The following PPA2 variants were observed in gnomAD, a reference collection of about 807,000 sequenced individuals.
The protein encoded by PPA2 is inorganic pyrophosphatase 2, mitochondrial.
PPA2 carries 48 observed loss-of-function variants against 49.5 expected under a neutral mutation model. The ratio of observed to expected loss-of-function variants is 0.97; its 90% CI spans 0.77 to 1.23. The LOEUF (loss-of-function observed/expected upper bound fraction) is 1.23. PPA2 is among the 50% of genes most tolerant of loss of function. The pLI, the probability that PPA2 is intolerant of heterozygous loss-of-function variation, is 0.00. For synonymous variants in PPA2, 131 were observed against 139.9 expected (o/e 0.94, Z 0.45); for missense variants, 429 against 410.1 (o/e 1.05, Z -0.40).
At position 105,396,354 on chromosome 4, in the gene PPA2, T is replaced by A. The variant is rs770235289; in HGVS notation, c.784-20A>T. The stretch of plus-strand genomic sequence containing the variant: ...AAAAGCCTAGCTCCAAACAAACAAA[T>A]AAAAAAAGACGTATTTAATATCAGT... On this transcript the variant is annotated intron_variant, in intron 8 of 11. Coordinates refer to ENST00000341695, the MANE Select transcript of PPA2 (RefSeq NM_176869.3). The A allele has an allele frequency of 1.5e-6, 2 of 1,297,252 alleles. No individual in the cohort carries two copies. The highest frequency in any genetic ancestry group is 2.2e-6 in the Non-Finnish European group (2 of 928,852). The allele number at this position is 1,297,252 out of a possible 1,614,324, so 80.4% of individuals were successfully genotyped here. A position where few individuals can be genotyped will look rare whatever the true frequency, so the allele number is the denominator to read the frequency against.
At chr4:105,434,796 A>C (rs946240857) in intron 6 of PPA2, among the ~76,000 whole-genome samples, 2 of 152,214 alleles carry the variant, frequency 1.3e-5, no homozygotes, top group African/African-American at 4.8e-5. Flanking sequence ...ACACTCTTTG[A>C]CTTCACATGC....
chr4:105,456,047 T>C lies in PPA2; in HGVS notation c.222+634A>G, dbSNP rs763012572. 6 of 332,918 alleles carry C rather than the reference T, an allele frequency of 1.8e-5. No individual in the cohort carries two copies. In the East Asian group the frequency reaches 4.3e-4, roughly 24 times the overall value. The allele number at this position is 332,918 out of a possible 1,614,324, so 20.6% of individuals were successfully genotyped here. A position where few individuals can be genotyped will look rare whatever the true frequency, so the allele number is the denominator to read the frequency against. On this transcript the variant is annotated intron_variant, in intron 2 of 11. Coordinates refer to ENST00000341695, the MANE Select transcript of PPA2 (RefSeq NM_176869.3). ...GAGAGATCTCGAAACACCCCAACAA[T>C]TTTGATTTGATAGCATCAGTTCTCC... is the stretch of plus-strand genomic sequence containing the variant.
At chr4:105,379,629 A>C (rs1372009471) in intron 10 of PPA2, among the ~76,000 whole-genome samples, 2 of 96,696 alleles carry the variant, frequency 2.1e-5, no homozygotes, top group Non-Finnish European at 4.2e-5. Context: ...ACGCCTGGCT[A>C]ATTTTTTTTT....
chr4:105,372,104 C>T, intron 10 of PPA2, among the ~76,000 whole-genome samples: 1 of 152,196 alleles, frequency 6.6e-6, no homozygotes, highest in East Asian at 1.9e-4. Context: ...CTGGTTTCTA[C>T]ACAGGCCCCA....
At chr4:105,403,433 A>G (rs1722315826) in intron 7 of PPA2, among the ~76,000 whole-genome samples, 2 of 152,186 alleles carry the variant, frequency 1.3e-5, no homozygotes, top group South Asian at 2.1e-4. Context: ...TTCAAATTTG[A>G]AAGTTTAATT....
At chr4:105,397,605 G>A (rs559171723) in intron 8 of PPA2, among the ~76,000 whole-genome samples, 2 of 152,118 alleles carry the variant, frequency 1.3e-5, no homozygotes, top group African/African-American at 2.4e-5. Context: ...AATTTGATCC[G>A]CAGTGTTGGA....
intron 5 of PPA2, among the ~76,000 whole-genome samples, chr4:105,442,972 A>G (rs923587): frequency 0.39 from 58,619 of 152,088 alleles, 12,895 homozygotes; most frequent in East Asian, 0.67. Context: ...CACCTACTCC[A>G]TGGCAGGCAT....
intron 7 of PPA2, among the ~76,000 whole-genome samples, chr4:105,422,529 T>C (rs983090073): frequency 6.6e-6 from 1 of 152,180 alleles, no homozygotes; most frequent in Admixed American, 6.5e-5. Flanking sequence ...TGTGATCTAG[T>C]TTCAATACCT....
chr4:105,468,585 T>C (rs1377357694), intron 1 of PPA2, among the ~76,000 whole-genome samples: 5 of 152,126 alleles, frequency 3.3e-5, no homozygotes, highest in Non-Finnish European at 5.9e-5. Flanking sequence ...AGTTAGGTGA[T>C]CCTTGACTAT....
chr4:105,471,615 C>T (rs1723526715), intron 1 of PPA2, among the ~76,000 whole-genome samples: 1 of 152,184 alleles, frequency 6.6e-6, no homozygotes, highest in Non-Finnish European at 1.5e-5. Context: ...TGCATACAGA[C>T]ACACTGAGTA....
At chr4:105,425,894 C>G (rs115710906) in intron 6 of PPA2, among the ~76,000 whole-genome samples, 1 of 151,834 alleles carries the variant, frequency 6.6e-6, no homozygotes, top group Non-Finnish European at 1.5e-5. Flanking sequence ...CATAAGGGTA[C>G]GATGATAAGA....
chr4:105,406,104 T>A (rs1197678815), intron 7 of PPA2, among the ~76,000 whole-genome samples: 12 of 55,600 alleles, frequency 2.2e-4, no homozygotes, highest in African/African-American at 2.5e-4. Flanking sequence ...GAACAGAAAC[T>A]ATAAAACTTC....
chr4:105,470,475 A>AC (rs1218638450), intron 1 of PPA2, among the ~76,000 whole-genome samples: 8 of 152,152 alleles, frequency 5.3e-5, no homozygotes, highest in Admixed American at 6.5e-5. Flanking sequence ...AAAGTATGAG[A>AC]CCCCATCTCT....
At chr4:105,471,855 T>C (rs1172609356) in intron 1 of PPA2, among the ~76,000 whole-genome samples, 1 of 152,204 alleles carries the variant, frequency 6.6e-6, no homozygotes, top group Non-Finnish European at 1.5e-5. Context: ...CACACTCCCC[T>C]TTCTTCCAGT....
At chr4:105,441,936 A>G (rs1158107722) in intron 5 of PPA2, among the ~76,000 whole-genome samples, 5 of 152,114 alleles carry the variant, frequency 3.3e-5, no homozygotes, top group African/African-American at 1.2e-4. Flanking sequence ...GTTCTTAAGA[A>G]TATCTTCCTG....
At chr4:105,455,506 GTGA>G (rs968726677) in intron 2 of PPA2, among the ~76,000 whole-genome samples, 1 of 152,140 alleles carries the variant, frequency 6.6e-6, no homozygotes, top group African/African-American at 2.4e-5. Flanking sequence ...CACGAGATTT[GTGA>G]TGATGGACAA....
rs140544517 is a variant in PPA2, at chr4:105,430,665, T to C, written c.529-6343A>G. 1.8e-3 allele frequency among the ~76,000 whole-genome samples: 279 copies of C among 152,206 alleles called. 1 individual carries two copies. The highest frequency in any genetic ancestry group is 8.1e-3 in the South Asian group (39 of 4,812). On this transcript the variant is annotated intron_variant, in intron 6 of 11. Transcript: ENST00000341695. ...TCTCTAATATGATAAAAGGACAAGA[T>C]AGAGGCTAACAAATCAGAAGACTAT... is the stretch of plus-strand genomic sequence containing the variant.
chr4:105,466,509 G>C (rs1723306997), intron 1 of PPA2, among the ~76,000 whole-genome samples: 1 of 152,138 alleles, frequency 6.6e-6, no homozygotes, highest in Admixed American at 6.5e-5. Flanking sequence ...AAATCCCTAT[G>C]GCTCTGCAAC....
intron 6 of PPA2, among the ~76,000 whole-genome samples, chr4:105,431,416 G>A (rs1723793029): frequency 1.3e-5 from 2 of 152,090 alleles, no homozygotes; most frequent in South Asian, 4.1e-4. Context: ...CAACCACTAG[G>A]ATGATTGTTA....
Sources: allele counts gnomAD v4.1 joint callset (sites outside exome capture counted in the v4.1 genomes callset), GRCh38; gene constraint gnomAD v4.1.1; transcripts MANE v1.5; gene names NCBI Gene and HGNC (gene_info 2026-07-23, HGNC 2026-07-21).